CSMD1: variants seen among roughly 807,000 people sequenced by gnomAD.
The protein encoded by CSMD1 is CUB and Sushi multiple domains 1, also known as CUB and sushi domain-containing protein 1.
CSMD1 carries 213 observed loss-of-function variants against 417.5 expected under a neutral mutation model. That is an observed-to-expected ratio of 0.51 (90% CI 0.46 to 0.57). CSMD1 has a LOEUF of 0.57. Among genes scored for constraint, CSMD1 ranks in the 20% least tolerant of loss-of-function variants. CSMD1 has a pLI of 0.00. For synonymous variants in CSMD1, 2,862 were observed against 1,736.8 expected, an observed-to-expected ratio of 1.65 and a Z score of -16.11; for missense variants, 6,923 against 4,529.7, an observed-to-expected ratio of 1.53 and a Z score of -15.17.
intron 5 of CSMD1, among the ~76,000 whole-genome samples, chr8:3,791,332 C>G (rs1799729352): frequency 6.6e-6 from 1 of 152,166 alleles, no homozygotes; most frequent in Non-Finnish European, 1.5e-5. Flanking sequence ...AGTAGAATTT[C>G]ATAGGATAAC....
At chr8:3,692,804 G>A (rs1800324869) in intron 7 of CSMD1, among the ~76,000 whole-genome samples, 1 of 152,066 alleles carries the variant, frequency 6.6e-6, no homozygotes. Context: ...GAGACCTCTG[G>A]ACCCTAATAT....
At chr8:4,019,339 G>A (rs1352563149) in intron 4 of CSMD1, among the ~76,000 whole-genome samples, 1 of 152,160 alleles carries the variant, frequency 6.6e-6, no homozygotes, top group Non-Finnish European at 1.5e-5. Context: ...TGCTTATCTG[G>A]GAGGGAGAGT....
chr8:3,773,106 T>C (rs1169219198), intron 5 of CSMD1, among the ~76,000 whole-genome samples: 2 of 152,188 alleles, frequency 1.3e-5, no homozygotes, highest in African/African-American at 4.8e-5. Flanking sequence ...ACGAGGGCTC[T>C]GTCCTCACAA....
At chr8:4,254,645 G>A (rs1275022528) in intron 3 of CSMD1, among the ~76,000 whole-genome samples, 5 of 152,128 alleles carry the variant, frequency 3.3e-5, no homozygotes, top group Admixed American at 6.5e-5. Flanking sequence ...TTTATCTGTG[G>A]TAACTGCCGT....
intron 2 of CSMD1, among the ~76,000 whole-genome samples, chr8:4,581,586 C>T (rs935473101): frequency 1.3e-5 from 2 of 152,152 alleles, no homozygotes; most frequent in African/African-American, 4.8e-5. Flanking sequence ...ATCATTAAGA[C>T]ACATTTTAGA....
At chr8:4,470,318 T>A (rs1800452069) in intron 2 of CSMD1, among the ~76,000 whole-genome samples, 1 of 152,210 alleles carries the variant, frequency 6.6e-6, no homozygotes, top group Admixed American at 6.5e-5. Flanking sequence ...CATGCTAGTT[T>A]CTACAACGTG....
In CSMD1 at chr8:3,936,320, T is replaced by C. The variant is rs75795850; in HGVS notation, c.818+61583A>G. Among the ~76,000 whole-genome samples the C allele has an allele frequency of 3.2e-4, 48 of 152,282 alleles. 1 individual carries two copies. In the South Asian group the frequency reaches 9.3e-3, roughly 30 times the overall value. ...AGGTGGCTACACTAAAAGGCAGATA[T>C]TGAGTGTAAACAAAGCAGCCTTGTA... On this transcript the variant is annotated intron_variant, in intron 5 of 69. Coordinates refer to ENST00000635120, the MANE Select transcript of CSMD1 (RefSeq NM_033225.6).
rs148009553 is a variant in CSMD1, at chr8:4,610,335, C to A, written c.302+27007G>T. Reference sequence around the variant, plus strand: ...AGTATTAAATTCAACATATCAAGCACTATTGTAAGCATGTGAGTCACATCA... The same window carrying A: ...AGTATTAAATTCAACATATCAAGCAATATTGTAAGCATGTGAGTCACATCA... On this transcript the variant is annotated intron_variant, in intron 2 of 69. Coordinates refer to ENST00000635120, the MANE Select transcript of CSMD1 (RefSeq NM_033225.6). Among the ~76,000 whole-genome samples, 676 of 152,286 alleles carry A rather than the reference C, an allele frequency of 4.4e-3. 7 individuals carry two copies. The highest frequency in any genetic ancestry group is 0.015 in the African/African-American group (616 of 41,556).
intron 2 of CSMD1, among the ~76,000 whole-genome samples, chr8:4,423,703 C>A (rs747125745): frequency 6.6e-6 from 1 of 151,020 alleles, no homozygotes; most frequent in Non-Finnish European, 1.5e-5. Context: ...ATAGCAAGAT[C>A]TTTCTAAAAT....
intron 3 of CSMD1, among the ~76,000 whole-genome samples, chr8:4,230,540 C>A (rs572649134): frequency 6.6e-6 from 1 of 152,258 alleles, no homozygotes; most frequent in South Asian, 2.1e-4. Flanking sequence ...AGGCCAGTTG[C>A]TCAATTATAT....
intron 2 of CSMD1, among the ~76,000 whole-genome samples, chr8:4,531,012 C>T (rs536826755): frequency 3.3e-5 from 5 of 152,122 alleles, no homozygotes; most frequent in African/African-American, 1.2e-4. Flanking sequence ...ACTGCCACCC[C>T]ATCCTCTCTG....
chr8:4,912,502 A>G (rs973977077), intron 1 of CSMD1, among the ~76,000 whole-genome samples: 7 of 152,158 alleles, frequency 4.6e-5, no homozygotes, highest in African/African-American at 1.7e-4. Flanking sequence ...AAAGTGCCAG[A>G]GGCTTCATGC....
Position 3,246,554 on chromosome 8 carries a change from C to T in CSMD1, c.4154-16323G>A, listed in dbSNP as rs150191760. 3.6e-3 allele frequency among the ~76,000 whole-genome samples: 553 copies of T among 152,210 alleles called. 3 individuals are homozygous for T. The highest frequency in any genetic ancestry group is 0.012 in the African/African-American group (519 of 41,538). ...TGACTCAGTCTGGGCTCACTGCAAC[C>T]GCCACCTCCCGTGTTCAAGGGATTC... is the stretch of plus-strand genomic sequence containing the variant. On this transcript the variant is annotated intron_variant, in intron 26 of 69. Transcript: ENST00000635120.
chr8:4,766,129 G>C (rs1812448237), intron 1 of CSMD1, among the ~76,000 whole-genome samples: 1 of 152,130 alleles, frequency 6.6e-6, no homozygotes, highest in Non-Finnish European at 1.5e-5. Flanking sequence ...ATAAACTTTT[G>C]ATAAAATGTA....
At chr8:3,231,878 C>T (rs764378935) in intron 26 of CSMD1, among the ~76,000 whole-genome samples, 7 of 152,196 alleles carry the variant, frequency 4.6e-5, no homozygotes, top group Non-Finnish European at 1.0e-4. Context: ...GTCATTAAGT[C>T]TGCTATGAAG....
chr8:4,518,589 G>A (rs1011732137), intron 2 of CSMD1, among the ~76,000 whole-genome samples: 3 of 143,060 alleles, frequency 2.1e-5, no homozygotes, highest in Non-Finnish European at 3.1e-5. Flanking sequence ...ACACAGGAAG[G>A]GGAACATCAC....
intron 3 of CSMD1, among the ~76,000 whole-genome samples, chr8:4,377,293 G>A (rs1298703445): frequency 6.6e-6 from 1 of 152,148 alleles, no homozygotes; most frequent in African/African-American, 2.4e-5. Flanking sequence ...CAAAAGGGAG[G>A]AGGAGAAGTC....
At chr8:4,489,702 G>A (rs1039706861) in intron 2 of CSMD1, among the ~76,000 whole-genome samples, 1 of 152,274 alleles carries the variant, frequency 6.6e-6, no homozygotes, top group South Asian at 2.1e-4. Context: ...TGAGATTGCA[G>A]CACCCTCCCT....
Position 3,131,533 on chromosome 8 carries a change from G to A in CSMD1, c.6241+10932C>T, listed in dbSNP as rs188940312. 1.6e-3 allele frequency among the ~76,000 whole-genome samples: 239 copies of A among 149,304 alleles called. 1 individual carries two copies. Among genetic ancestry groups the A allele is most frequent in the South Asian group, 0.014 (65 of 4,732 alleles). On this transcript the variant is annotated intron_variant, in intron 41 of 69. Transcript: ENST00000635120. ...ATTGCTCAGGCTAAAGTGCAGTGGC[G>A]TGATCTCTTCTCACTGCAACATCCA...
Sources: gnomAD v4.1 joint callset for allele counts (sites outside exome capture counted in the v4.1 genomes callset) on GRCh38, gnomAD v4.1.1 for gene constraint, MANE v1.5 for transcripts, NCBI Gene and HGNC (gene_info 2026-07-23, HGNC 2026-07-21) for gene names.